Variants in DCTD observed in about 807,000 individuals in gnomAD.
DCTD encodes the protein deoxycytidylate deaminase.
A neutral mutation model predicts 21.0 loss-of-function variants in DCTD; 23 were observed. The ratio of observed to expected loss-of-function variants is 1.09; its 90% confidence interval spans 0.79 to 1.55. DCTD has a LOEUF of 1.55. DCTD is among the 40% of genes most tolerant of loss of function. The probability of loss-of-function intolerance (pLI) is 0.00; values close to 1 mark genes in which losing one functional copy is unlikely to be tolerated. For synonymous variants in DCTD, 71 were observed against 81.1 expected (o/e 0.88, Z 0.67); for missense variants, 224 against 230.0 (o/e 0.97, Z 0.17).
intron 3 of DCTD, among the ~76,000 whole-genome samples, chr4:182,894,818 C>T (rs570745299): frequency 6.6e-6 from 1 of 152,236 alleles, no homozygotes; most frequent in South Asian, 2.1e-4. Flanking sequence ...GCACCTAGAG[C>T]GGCCAGGACG....
At chr4:182,914,579 C>A (rs1738353075) in intron 3 of DCTD, among the ~76,000 whole-genome samples, 1 of 152,244 alleles carries the variant, frequency 6.6e-6, no homozygotes, top group Non-Finnish European at 1.5e-5. Context: ...CATGCACATC[C>A]CTCAGCTATC....
intron 1 of DCTD, chr4:182,916,394 G>A: frequency 1.0e-6 from 1 of 985,566 alleles, no homozygotes; most frequent in Non-Finnish European, 1.2e-6. Context: ...AAGGAAGGAA[G>A]ACAACACAAA....
At chr4:182,912,413 T>C (rs946149715) in intron 3 of DCTD, among the ~76,000 whole-genome samples, 1 of 152,174 alleles carries the variant, frequency 6.6e-6, no homozygotes, top group Non-Finnish European at 1.5e-5. Flanking sequence ...CTTACTCTCG[T>C]GAAAGAAAAC....
intron 3 of DCTD, among the ~76,000 whole-genome samples, chr4:182,904,061 T>C (rs1736215343): frequency 6.6e-6 from 1 of 151,964 alleles, no homozygotes; most frequent in South Asian, 2.1e-4. Flanking sequence ...CCCATTTCTT[T>C]TTCCCTCTCT....
intron 3 of DCTD, among the ~76,000 whole-genome samples, chr4:182,895,022 G>A (rs1276368982): frequency 2.0e-5 from 3 of 152,262 alleles, no homozygotes; most frequent in African/African-American, 4.8e-5. Context: ...GAAGCTGAGC[G>A]TGTCCATCCT....
At chr4:182,905,924 A>G (rs1736630934) in intron 3 of DCTD, among the ~76,000 whole-genome samples, 5 of 152,144 alleles carry the variant, frequency 3.3e-5, no homozygotes, top group Admixed American at 3.3e-4. Flanking sequence ...TAGCTACTGC[A>G]ACCAGAACCA....
At chr4:182,899,038 G>A (rs1292534170) in intron 3 of DCTD, among the ~76,000 whole-genome samples, 1 of 152,164 alleles carries the variant, frequency 6.6e-6, no homozygotes, top group East Asian at 1.9e-4. Context: ...CCATATATCT[G>A]CCAATTTCCG....
chr4:182,917,352 G>A lies in DCTD; in HGVS notation c.-49C>T, dbSNP rs1324412050. ...CGCGCGCAGGCCGGTGCTCGTCCCC[G>A]CCGCCGCCGTGCTCAGGGAAGGAAG... On this transcript the variant is annotated 5_prime_UTR_variant, in exon 1 of 6. Coordinates refer to ENST00000438320, the MANE Select transcript of DCTD (RefSeq NM_001921.3). The surrounding 1 kb of genome is among the most constrained non-coding windows in gnomAD (Gnocchi z 4.9). 23 of 1,085,498 alleles carry A rather than the reference G, an allele frequency of 2.1e-5. No homozygotes were observed. Among genetic ancestry groups the A allele is most frequent in the Middle Eastern group, 4.0e-4 (1 of 2,482 alleles). 67.2% of individuals were successfully genotyped at this position (1,085,498 alleles called of 1,614,324 possible). A position where few individuals can be genotyped will look rare whatever the true frequency, so the allele number is the denominator to read the frequency against.
In DCTD at chr4:182,916,318, G is replaced by T. The variant is rs1344669710; in HGVS notation, c.-7-743C>A. On this transcript the variant is annotated intron_variant, in intron 1 of 5. Coordinates refer to ENST00000438320, the MANE Select transcript of DCTD (RefSeq NM_001921.3). The stretch of plus-strand genomic sequence containing the variant: ...AAGCAGAGACTGTCTACGGCAGGGA[G>T]AGCCCACGAAGGGGGTCCTAGGACT... 8 of 926,328 alleles carry T rather than the reference G, an allele frequency of 8.6e-6. No individual in the cohort carries two copies. The African/African-American group carries it at 1.4e-4, about 17-fold the overall frequency. The allele number at this position is 926,328 out of a possible 1,614,324, so 57.4% of individuals were successfully genotyped here.
intron 3 of DCTD, among the ~76,000 whole-genome samples, chr4:182,908,802 T>C (rs1012120463): frequency 6.6e-6 from 1 of 152,184 alleles, no homozygotes; most frequent in South Asian, 2.1e-4. Flanking sequence ...TCTAAATTAG[T>C]TTGCATGTGC....
intron 3 of DCTD, among the ~76,000 whole-genome samples, chr4:182,900,842 C>T (rs1254391308): frequency 7.6e-6 from 1 of 132,214 alleles, no homozygotes; most frequent in Non-Finnish European, 1.6e-5. Context: ...AATTATAAGA[C>T]AATTCATATG....
At chr4:182,915,711 A>T in intron 1 of DCTD, 136 bp from the exon 2 acceptor site, 1 of 778,226 alleles carries the variant, frequency 1.3e-6, no homozygotes, top group Non-Finnish European at 2.1e-6. Flanking sequence ...ATCAGAAATC[A>T]CAGCACATGG....
intron 3 of DCTD, among the ~76,000 whole-genome samples, chr4:182,896,426 G>A (rs934170903): frequency 4.6e-5 from 7 of 152,228 alleles, no homozygotes; most frequent in Non-Finnish European, 5.9e-5. Flanking sequence ...GCCTAAAACT[G>A]AGCAATCTCT....
At chr4:182,899,788 C>T (rs1735404547) in intron 3 of DCTD, among the ~76,000 whole-genome samples, 2 of 152,222 alleles carry the variant, frequency 1.3e-5, no homozygotes, top group Admixed American at 6.5e-5. Context: ...CTAGCCATAA[C>T]TGCCCATCTT....
At chr4:182,894,115 T>G (rs1579661369) in intron 4 of DCTD, among the ~76,000 whole-genome samples, 1 of 152,314 alleles carries the variant, frequency 6.6e-6, no homozygotes, top group East Asian at 1.9e-4. Context: ...AAATTAAAAT[T>G]TCATATACAG....
chr4:182,911,229 T>G (rs2152863120), intron 3 of DCTD: 1 of 152,296 alleles, frequency 6.6e-6, no homozygotes, highest in South Asian at 2.1e-4. Flanking sequence ...CTGGGGTCCC[T>G]TTTAGAAGGG....
At chr4:182,907,109 A>G (rs770795330) in intron 3 of DCTD, among the ~76,000 whole-genome samples, 23 of 152,128 alleles carry the variant, frequency 1.5e-4, no homozygotes, top group Non-Finnish European at 2.5e-4. Flanking sequence ...GTAATCATAC[A>G]TTTTCTTTCA....
At chr4:182,912,400 A>G (rs887555013) in intron 3 of DCTD, among the ~76,000 whole-genome samples, 5 of 152,208 alleles carry the variant, frequency 3.3e-5, no homozygotes, top group African/African-American at 1.2e-4. Context: ...ATCAAATTAC[A>G]AGCTTACTCT....
At position 182,896,431 on chromosome 4, in the gene DCTD, A is replaced by G. The variant is rs143866650; in HGVS notation, c.245-1826T>C. 8.5e-5 allele frequency among the ~76,000 whole-genome samples: 13 copies of G among 152,344 alleles called. No individual in the cohort carries two copies. In the East Asian group the frequency reaches 2.5e-3, roughly 29 times the overall value. ...TCTCAGTCCTGCCTAAAACTGAGCA[A>G]TCTCTCCTGGCATTGCAGGAAAATC... On this transcript the variant is annotated intron_variant, in intron 3 of 5. Transcript: ENST00000438320.
Sources: gnomAD v4.1 joint callset for allele counts (sites outside exome capture counted in the v4.1 genomes callset) on GRCh38, gnomAD v4.1.1 for gene constraint, Gnocchi (gnomAD v3.1) non-coding constraint, MANE v1.5 for transcripts, NCBI Gene and HGNC (gene_info 2026-07-23, HGNC 2026-07-21) for gene names.